The following OVOL2 variants were observed in gnomAD, a reference collection of about 807,000 sequenced individuals.
OVOL2 encodes transcription factor Ovo-like 2.
A neutral mutation model predicts 18.1 loss-of-function variants in OVOL2; 13 were observed. The observed-to-expected ratio is 0.72, with a 90% CI of 0.47 to 1.14. The LOEUF is 1.14. OVOL2 is among the 50% of genes most tolerant of loss of function. The pLI, the probability that OVOL2 is intolerant of heterozygous loss-of-function variation, is 0.00. For missense variants in OVOL2, 335 were observed against 383.0 expected (o/e 0.87, Z 1.05); for synonymous variants, 166 against 162.7 (o/e 1.02, Z -0.16).
intron 2 of OVOL2, among the ~76,000 whole-genome samples, chr20:18,042,636 C>T (rs1040694008): frequency 2.0e-5 from 3 of 151,828 alleles, no homozygotes; most frequent in Non-Finnish European, 2.9e-5. Context: ...ATTAGCCAGG[C>T]GTGGTGGTGC....
At position 18,041,590 on chromosome 20, in the gene OVOL2, C is replaced by T. The variant is rs1463561755; in HGVS notation, c.455G>A (p.Cys152Tyr). ...NQVKRHLCTFCGKGFNDTFDL... is the reference protein window; with the variant it reads ...NQVKRHLCTFYGKGFNDTFDL... ...GAAGGTGTCGTTGAAGCCCTTGCCG[C>T]AGAAGGTGCACAGGTGTCTTTTCAC... is the stretch of plus-strand genomic sequence containing the variant. The change falls in exon 3 of 4, where the codon TGC (cysteine) becomes TAC (tyrosine). Residue 152 changes from cysteine to tyrosine, a missense_variant. By Grantham distance (194) the Cys-to-Tyr change is radical. Transcript: ENST00000278780. 1.2e-6 allele frequency: 2 copies of T among 1,614,186 alleles called. No homozygotes were observed. Among genetic ancestry groups the T allele is most frequent in the Non-Finnish European group, 1.7e-6 (2 of 1,180,034 alleles).
Position 18,057,863 on chromosome 20 carries a change from C to T in OVOL2, c.-229G>A. 1 of 1,341,456 alleles carries T rather than the reference C, an allele frequency of 7.5e-7. No homozygotes were observed. The highest frequency in any genetic ancestry group is 9.5e-7 in the Non-Finnish European group (1 of 1,053,196). 83.1% of individuals were successfully genotyped at this position (1,341,456 alleles called of 1,614,324 possible). ...CCTATGCCTTAAATCGCGAGTGAGACCACGCCGGGGAAAAAGTTTCATAAG... is the reference window on the plus strand; with the variant it reads ...CCTATGCCTTAAATCGCGAGTGAGATCACGCCGGGGAAAAAGTTTCATAAG... On this transcript the variant is annotated 5_prime_UTR_variant, in exon 1 of 4. Transcript: ENST00000278780. The surrounding 1 kb of genome is among the most constrained non-coding windows in gnomAD (Gnocchi z 6.3).
At chr20:18,046,366 G>C (rs533787174) in intron 2 of OVOL2, among the ~76,000 whole-genome samples, 1 of 152,178 alleles carries the variant, frequency 6.6e-6, no homozygotes, top group Non-Finnish European at 1.5e-5. Flanking sequence ...ACAAAGGTAA[G>C]AGGCTAGAAG....
intron 2 of OVOL2, among the ~76,000 whole-genome samples, chr20:18,052,211 A>G (rs1262338094): frequency 6.6e-6 from 1 of 152,162 alleles, no homozygotes; most frequent in African/African-American, 2.4e-5. Flanking sequence ...AAAACAAATC[A>G]CCCATTTCTT....
At chr20:18,054,764 C>A in intron 2 of OVOL2, among the ~76,000 whole-genome samples, 1 of 81,830 alleles carries the variant, frequency 1.2e-5, no homozygotes. Flanking sequence ...GAAACTCCAT[C>A]TCAAAAAAAA....
chr20:18,051,681 C>G (rs1290128071), intron 2 of OVOL2, among the ~76,000 whole-genome samples: 1 of 152,116 alleles, frequency 6.6e-6, no homozygotes, highest in African/African-American at 2.4e-5. Context: ...AGTACATTAG[C>G]CTCTGGTCAC....
chr20:18,038,263 G>A (rs1416867731), intron 3 of OVOL2, among the ~76,000 whole-genome samples: 1 of 152,166 alleles, frequency 6.6e-6, no homozygotes, highest in Non-Finnish European at 1.5e-5. Context: ...GCCAACTGTT[G>A]CAATTTTACT....
At chr20:18,058,542 A>AC (rs1183290257), upstream of OVOL2, among the ~76,000 whole-genome samples, 11 of 151,426 alleles carry the variant, frequency 7.3e-5, no homozygotes, top group East Asian at 5.9e-4. Context: ...AAGACGTTGC[A>AC]CCCCCCGAGA....
Position 18,056,689 on chromosome 20 carries a change from T to G in OVOL2, c.289A>C (p.Lys97Gln). ...AEGPDGHLATKQRPVARSKIK... is the reference protein window; with the variant it reads ...AEGPDGHLATQQRPVARSKIK... ...TTCGATCTGGCGACCGGGCGCTGCT[T>G]GGTCGCCAGGTGTCCATCGGGGCCC... Residue 97 changes from lysine to glutamine, a missense_variant, in exon 2 of 4, where the codon AAG becomes CAG. Coordinates refer to ENST00000278780, the MANE Select transcript of OVOL2 (RefSeq NM_021220.4). The surrounding 1 kb of genome is among the most constrained non-coding windows in gnomAD (Gnocchi z 4.2). 6.9e-7 allele frequency: 1 copy of G among 1,440,072 alleles called. No homozygotes were observed. Among genetic ancestry groups the G allele is most frequent in the Non-Finnish European group, 9.1e-7 (1 of 1,101,586 alleles). The allele number at this position is 1,440,072 out of a possible 1,614,324, so 89.2% of individuals were successfully genotyped here.
At chr20:18,038,886 C>T (rs1006976923) in intron 3 of OVOL2, among the ~76,000 whole-genome samples, 1 of 152,034 alleles carries the variant, frequency 6.6e-6, no homozygotes, top group African/African-American at 2.4e-5. Context: ...TTGACAACCT[C>T]GAGACCTCCC....
At chr20:18,040,160 G>A (rs904471406) in intron 3 of OVOL2, among the ~76,000 whole-genome samples, 6 of 152,312 alleles carry the variant, frequency 3.9e-5, no homozygotes, top group East Asian at 1.9e-4. Flanking sequence ...TTGGCCTCAA[G>A]CAATCCTCCC....
intron 2 of OVOL2, among the ~76,000 whole-genome samples, chr20:18,046,943 CA>C (rs563761406): frequency 0.018 from 2,289 of 128,714 alleles, 52 homozygotes; most frequent in African/African-American, 0.057. Context: ...TCTGAAGGAT[CA>C]AAAAAAAAAA....
chr20:18,025,097 A>T, intron 3 of OVOL2, 145 bp from the exon 4 acceptor site: 1 of 941,292 alleles, frequency 1.1e-6, no homozygotes, highest in African/African-American at 1.6e-5. Context: ...AAAACTGTCT[A>T]CAAAAAATCA....
intron 3 of OVOL2, among the ~76,000 whole-genome samples, chr20:18,036,919 GA>G (rs1166405459): frequency 6.6e-6 from 1 of 151,968 alleles, no homozygotes; most frequent in Non-Finnish European, 1.5e-5. Flanking sequence ...GGCGGATCAC[GA>G]GGTCAGGAGA....
intron 3 of OVOL2, among the ~76,000 whole-genome samples, chr20:18,041,250 G>A (rs991214217): frequency 4.0e-5 from 6 of 151,678 alleles, no homozygotes; most frequent in African/African-American, 1.2e-4. Context: ...TGCAACCTCC[G>A]CCTCCCAGGT....
chr20:18,027,928 A>T (rs2036534963), intron 3 of OVOL2, among the ~76,000 whole-genome samples: 1 of 152,108 alleles, frequency 6.6e-6, no homozygotes, highest in Non-Finnish European at 1.5e-5. Context: ...AAGAGAGGTT[A>T]TGGCTGTGAA....
chr20:18,054,766 C>CAAAAAAAAAAAAA (rs745367889), intron 2 of OVOL2, among the ~76,000 whole-genome samples: 3 of 63,474 alleles, frequency 4.7e-5, no homozygotes, highest in South Asian at 5.6e-4. Context: ...AACTCCATCT[C>CAAAAAAAAAAAAA]AAAAAAAAAA....
chr20:18,030,735 G>C (rs946635713), intron 3 of OVOL2, among the ~76,000 whole-genome samples: 2 of 152,230 alleles, frequency 1.3e-5, no homozygotes, highest in African/African-American at 4.8e-5. Flanking sequence ...GACAGAGATG[G>C]AAAGGAGACA....
chr20:18,046,635 C>A (rs1204950523), intron 2 of OVOL2, among the ~76,000 whole-genome samples: 3 of 152,306 alleles, frequency 2.0e-5, no homozygotes, highest in East Asian at 3.9e-4. Context: ...AGACGCCAGA[C>A]CTGCCACATT....
Sources: gnomAD v4.1 joint callset for allele counts (sites outside exome capture counted in the v4.1 genomes callset) on GRCh38, gnomAD v4.1.1 for gene constraint, Gnocchi (gnomAD v3.1) non-coding constraint, MANE v1.5 for transcripts, NCBI Gene and HGNC (gene_info 2026-07-23, HGNC 2026-07-21) for gene names.